CSMD1: variants seen among roughly 807,000 people sequenced by gnomAD.
The protein encoded by CSMD1 is CUB and sushi domain-containing protein 1.
A neutral mutation model predicts 417.5 loss-of-function variants in CSMD1; 213 were observed. That is an observed-to-expected ratio of 0.51 (90% CI 0.46 to 0.57). CSMD1 has a LOEUF of 0.57. Ranked by LOEUF, CSMD1 falls within the 20% of genes least tolerant of loss-of-function variation. The probability of loss-of-function intolerance (pLI) is 0.00; values close to 1 mark genes in which losing one functional copy is unlikely to be tolerated. For synonymous variants in CSMD1, 2,862 were observed against 1,736.8 expected (o/e 1.65, Z -16.11); for missense variants, 6,923 against 4,529.7 (o/e 1.53, Z -15.17).
intron 21 of CSMD1, among the ~76,000 whole-genome samples, chr8:3,352,456 T>C (rs548057457): frequency 6.6e-6 from 1 of 152,354 alleles, no homozygotes; most frequent in East Asian, 1.9e-4. Flanking sequence ...AAAAATAAGT[T>C]GTAATAATAC....
chr8:3,634,156 T>C (rs1273496069), intron 7 of CSMD1, among the ~76,000 whole-genome samples: 1 of 152,202 alleles, frequency 6.6e-6, no homozygotes, highest in Non-Finnish European at 1.5e-5. Flanking sequence ...ACCCTTGGAA[T>C]GTCCTAGCTT....
chr8:3,794,492 T>C (rs1799931836), intron 5 of CSMD1, among the ~76,000 whole-genome samples: 2 of 152,194 alleles, frequency 1.3e-5, no homozygotes, highest in Non-Finnish European at 2.9e-5. Flanking sequence ...TCATAGCTAC[T>C]CTCTGCATTA....
intron 11 of CSMD1, among the ~76,000 whole-genome samples, chr8:3,493,409 G>C (rs978322356): frequency 6.6e-6 from 1 of 151,306 alleles, no homozygotes. Flanking sequence ...TTTAATAATT[G>C]AAGAAAAACA....
At chr8:3,678,963 A>G (rs1390153656) in intron 7 of CSMD1, among the ~76,000 whole-genome samples, 3 of 152,108 alleles carry the variant, frequency 2.0e-5, no homozygotes, top group Non-Finnish European at 4.4e-5. Context: ...GAAATAAAAT[A>G]CTTCACAGAC....
chr8:4,427,675 G>C (rs887605459), intron 2 of CSMD1, among the ~76,000 whole-genome samples: 9 of 151,994 alleles, frequency 5.9e-5, no homozygotes, highest in African/African-American at 2.2e-4. Context: ...TCAGAAAATA[G>C]TACCTATTAC....
At chr8:4,987,588 C>G (rs1442410996) in intron 1 of CSMD1, among the ~76,000 whole-genome samples, 11 of 152,098 alleles carry the variant, frequency 7.2e-5, no homozygotes, top group Non-Finnish European at 1.5e-4. Context: ...ATAAAAAGCA[C>G]TGGAATCTGA....
intron 3 of CSMD1, among the ~76,000 whole-genome samples, chr8:4,363,275 C>A (rs541799914): frequency 2.0e-5 from 3 of 152,144 alleles, no homozygotes; most frequent in East Asian, 1.9e-4. Context: ...CTTAAAGGAG[C>A]CTTTTCAAAG....
intron 2 of CSMD1, among the ~76,000 whole-genome samples, chr8:4,629,057 G>T (rs1201367303): frequency 6.6e-6 from 1 of 152,074 alleles, no homozygotes; most frequent in Admixed American, 6.5e-5. Flanking sequence ...CTTAACTAGT[G>T]AGAGTTATTG....
At chr8:3,949,968 G>A (rs574433323) in intron 5 of CSMD1, 10 of 455,822 alleles carry the variant, frequency 2.2e-5, no homozygotes, top group Non-Finnish European at 3.5e-5. Context: ...GCAGAGCGAC[G>A]TGTCTCCAGG....
chr8:4,873,233 T>C (rs1409535278), intron 1 of CSMD1, among the ~76,000 whole-genome samples: 2 of 152,020 alleles, frequency 1.3e-5, no homozygotes, highest in Non-Finnish European at 2.9e-5. Context: ...TGGTGGGAAT[T>C]TTGCAGAGGT....
intron 5 of CSMD1, among the ~76,000 whole-genome samples, chr8:3,810,747 C>A (rs1801021263): frequency 6.6e-6 from 1 of 152,116 alleles, no homozygotes; most frequent in Non-Finnish European, 1.5e-5. Flanking sequence ...TGGTTCAATT[C>A]CTGGCTTTGG....
chr8:3,043,629 AAT>A (rs1183619262), intron 50 of CSMD1: 4 of 152,282 alleles, frequency 2.6e-5, no homozygotes, highest in African/African-American at 9.6e-5. Flanking sequence ...CTAAAGAAAC[AAT>A]ACCCACATAT....
intron 10 of CSMD1, among the ~76,000 whole-genome samples, chr8:3,544,562 C>G (rs546995020): frequency 4.0e-4 from 61 of 152,140 alleles, no homozygotes; most frequent in Non-Finnish European, 8.1e-4. Flanking sequence ...TGCATGAGAT[C>G]CAAGAACCCT....
At chr8:4,581,296 T>C (rs944548368) in intron 2 of CSMD1, among the ~76,000 whole-genome samples, 9 of 152,200 alleles carry the variant, frequency 5.9e-5, no homozygotes, top group South Asian at 2.1e-4. Flanking sequence ...ACAAGACACA[T>C]GCAGAGGAAG....
intron 3 of CSMD1, among the ~76,000 whole-genome samples, chr8:4,047,339 C>T (rs909844571): frequency 8.5e-5 from 13 of 152,084 alleles, no homozygotes; most frequent in Non-Finnish European, 1.6e-4. Context: ...GATCTTCTAC[C>T]CAAAGCCCTT....
chr8:4,334,409 C>G (rs1034027409), intron 3 of CSMD1, among the ~76,000 whole-genome samples: 5 of 152,112 alleles, frequency 3.3e-5, no homozygotes, highest in African/African-American at 9.7e-5. Context: ...ACTTTAAGAG[C>G]AAATACTGAG....
chr8:3,216,138 C>A (rs1797868652), intron 29 of CSMD1, among the ~76,000 whole-genome samples: 1 of 151,104 alleles, frequency 6.6e-6, no homozygotes, highest in Non-Finnish European at 1.5e-5. Context: ...TGTTTTGTGC[C>A]TTCAAACCAG....
At chr8:4,746,228 C>G (rs1049527673) in intron 1 of CSMD1, among the ~76,000 whole-genome samples, 1 of 152,068 alleles carries the variant, frequency 6.6e-6, no homozygotes, top group East Asian at 1.9e-4. Context: ...TCACCGAAAA[C>G]GTATGGCCAA....
chr8:3,994,178 T>C (rs1450435576), intron 5 of CSMD1, among the ~76,000 whole-genome samples: 1 of 152,184 alleles, frequency 6.6e-6, no homozygotes, highest in Non-Finnish European at 1.5e-5. Flanking sequence ...TTTATTTTTA[T>C]TTTCTTTTTC....
Sources: gnomAD v4.1 joint callset for allele counts (sites outside exome capture counted in the v4.1 genomes callset) on GRCh38, gnomAD v4.1.1 for gene constraint, MANE v1.5 for transcripts, NCBI Gene and HGNC (gene_info 2026-07-23, HGNC 2026-07-21) for gene names.